TMEM132D: variants seen among roughly 807,000 people sequenced by gnomAD.
The protein encoded by TMEM132D is mature OL transmembrane protein.
In TMEM132D, 21 loss-of-function variants were observed where a neutral mutation model predicts 62.3. The observed-to-expected ratio is 0.34, with a 90% confidence interval of 0.24 to 0.49. The LOEUF is 0.49. Ranked by LOEUF, TMEM132D falls within the 20% of genes least tolerant of loss-of-function variation. TMEM132D has a pLI of 0.99. For synonymous variants in TMEM132D, 621 were observed against 575.6 expected (o/e 1.08, Z -1.13); for missense variants, 1,346 against 1,402.8 (o/e 0.96, Z 0.65).
intron 2 of TMEM132D, among the ~76,000 whole-genome samples, chr12:129,652,628 C>G (rs1464591849): frequency 6.6e-6 from 1 of 152,180 alleles, no homozygotes; most frequent in African/African-American, 2.4e-5. Context: ...ATGCTTGCAG[C>G]CTCTAGTTGC....
chr12:129,896,269 T>C (rs781349422), intron 1 of TMEM132D, among the ~76,000 whole-genome samples: 4 of 152,190 alleles, frequency 2.6e-5, no homozygotes, highest in Admixed American at 6.5e-5. Flanking sequence ...ATTACAGACA[T>C]GAGCCATCAT....
At chr12:129,505,845 C>T (rs917718562) in intron 3 of TMEM132D, among the ~76,000 whole-genome samples, 13 of 152,084 alleles carry the variant, frequency 8.5e-5, no homozygotes, top group Middle Eastern at 3.2e-3. Context: ...TAACTACTCC[C>T]GCTTGCTTTT....
chr12:129,626,944 T>C (rs1879234714), intron 2 of TMEM132D, among the ~76,000 whole-genome samples: 1 of 152,148 alleles, frequency 6.6e-6, no homozygotes, highest in Admixed American at 6.5e-5. Context: ...TGATTTTTAA[T>C]GTGGATACTC....
In TMEM132D at chr12:129,337,517, A is replaced by G. The variant is rs1212411533; in HGVS notation, c.1299+117T>C. ...AGTCAACTTTGTGGTTTCGTTTCTC[A>G]CTGTCCTGATTCTTGGCTCCTCCCC... On this transcript the variant is annotated intron_variant, in intron 4 of 8. Transcript: ENST00000422113. 2.5e-5 allele frequency: 31 copies of G among 1,241,724 alleles called. No individual in the cohort carries two copies. The East Asian group carries it at 5.0e-4, about 20-fold the overall frequency. The allele number at this position is 1,241,724 out of a possible 1,614,324, so 76.9% of individuals were successfully genotyped here.
intron 3 of TMEM132D, among the ~76,000 whole-genome samples, chr12:129,513,643 C>A (rs1163654348): frequency 6.7e-6 from 1 of 150,222 alleles, no homozygotes; most frequent in African/African-American, 2.5e-5. Flanking sequence ...CACCACCACG[C>A]CCGGATAATT....
chr12:129,807,117 G>C (rs973490135), intron 1 of TMEM132D, among the ~76,000 whole-genome samples: 2 of 152,190 alleles, frequency 1.3e-5, no homozygotes, highest in Non-Finnish European at 2.9e-5. Flanking sequence ...TGAACATGAA[G>C]ATTTTCTGAA....
chr12:129,143,965 A>G (rs760210379), intron 5 of TMEM132D, among the ~76,000 whole-genome samples: 2 of 152,080 alleles, frequency 1.3e-5, no homozygotes, highest in African/African-American at 2.4e-5. Context: ...TCCCTGGACC[A>G]TTCTTGGACC....
At chr12:129,643,329 T>C (rs565642942) in intron 2 of TMEM132D, among the ~76,000 whole-genome samples, 2 of 152,292 alleles carry the variant, frequency 1.3e-5, no homozygotes, top group African/African-American at 4.8e-5. Flanking sequence ...GCGCAGTGTT[T>C]GGCAAACTAC....
chr12:129,835,617 C>A (rs767101230), intron 1 of TMEM132D, among the ~76,000 whole-genome samples: 1 of 151,908 alleles, frequency 6.6e-6, no homozygotes, highest in African/African-American at 2.4e-5. Flanking sequence ...AAAAATCATG[C>A]GCAAAAAAGA....
In TMEM132D at chr12:129,729,864, C is replaced by T. The variant is rs554220987; in HGVS notation, c.80-29166G>A. On this transcript the variant is annotated intron_variant, in intron 1 of 8. Transcript: ENST00000422113. ...TTAATGTAAGGTCCTCTGAGCTGGC[C>T]GCACCATGGTCAAGCTATCATGACA... is the stretch of plus-strand genomic sequence containing the variant. Among the ~76,000 whole-genome samples, 257 of 152,270 alleles carry T rather than the reference C, an allele frequency of 1.7e-3. 1 individual carries two copies. The highest frequency in any genetic ancestry group is 6.0e-3 in the African/African-American group (249 of 41,552).
intron 1 of TMEM132D, among the ~76,000 whole-genome samples, chr12:129,835,731 A>T (rs1872985327): frequency 6.6e-6 from 1 of 152,208 alleles, no homozygotes; most frequent in African/African-American, 2.4e-5. Flanking sequence ...TGGCACACCT[A>T]ATACTCACGC....
intron 4 of TMEM132D, among the ~76,000 whole-genome samples, chr12:129,285,377 A>G (rs1017616018): frequency 6.5e-5 from 9 of 137,840 alleles, no homozygotes; most frequent in Non-Finnish European, 1.3e-4. Flanking sequence ...AAAAAAAAAA[A>G]TTAGCTGGGC....
chr12:129,434,582 C>T (rs1872741370), intron 3 of TMEM132D, among the ~76,000 whole-genome samples: 1 of 151,952 alleles, frequency 6.6e-6, no homozygotes, highest in African/African-American at 2.4e-5. Context: ...AGAGGAGGCT[C>T]CCAGAGGAGG....
intron 4 of TMEM132D, among the ~76,000 whole-genome samples, chr12:129,309,520 A>G (rs1487205767): frequency 1.3e-5 from 2 of 152,162 alleles, no homozygotes; most frequent in East Asian, 3.9e-4. Flanking sequence ...TAGGATTGTG[A>G]TTGCTTTTAA....
At chr12:129,725,771 AACACAGCAG>A (rs1869011984) in intron 1 of TMEM132D, among the ~76,000 whole-genome samples, 1 of 152,212 alleles carries the variant, frequency 6.6e-6, no homozygotes, top group South Asian at 2.1e-4. Flanking sequence ...CAGAAAAGTT[AACACAGCAG>A]ACCAGAGACT....
rs1269909422 is a variant in TMEM132D, at chr12:129,779,186, T to A, written c.80-78488A>T. On this transcript the variant is annotated intron_variant, in intron 1 of 8. Transcript: ENST00000422113. This position sits in a 1 kb window ranked among gnomAD's most constrained non-coding sequence, Gnocchi z 4.1. ...TACAAGGCCTTAGGAAGGATCCATC[T>A]GGAAAGCCCCATTTGATGCTTTAAC... Among the ~76,000 whole-genome samples the A allele has an allele frequency of 6.6e-6, 1 of 152,226 alleles. No homozygotes were observed. Among genetic ancestry groups the A allele is most frequent in the Non-Finnish European group, 1.5e-5 (1 of 68,042 alleles).
At chr12:129,587,619 G>A (rs2137131901) in intron 2 of TMEM132D, among the ~76,000 whole-genome samples, 1 of 152,166 alleles carries the variant, frequency 6.6e-6, no homozygotes, top group African/African-American at 2.4e-5. Context: ...TTGTACTTAT[G>A]CAGATGCCTA....
intron 2 of TMEM132D, among the ~76,000 whole-genome samples, chr12:129,676,808 C>T (rs374007117): frequency 3.3e-5 from 5 of 151,532 alleles, no homozygotes; most frequent in Admixed American, 6.5e-5. Flanking sequence ...AATCTATCAT[C>T]ATCTATCTAT....
At chr12:129,380,358 A>T (rs979284672) in intron 3 of TMEM132D, among the ~76,000 whole-genome samples, 27 of 152,316 alleles carry the variant, frequency 1.8e-4, no homozygotes, top group African/African-American at 5.1e-4. Context: ...TTGATAATTA[A>T]GTTTTTAATT....
Sources: gnomAD v4.1 joint callset for allele counts (sites outside exome capture counted in the v4.1 genomes callset) on GRCh38, gnomAD v4.1.1 for gene constraint, Gnocchi (gnomAD v3.1) non-coding constraint, MANE v1.5 for transcripts, NCBI Gene and HGNC (gene_info 2026-07-23, HGNC 2026-07-21) for gene names.